Variants in BCLAF3 observed in about 807,000 individuals in gnomAD.
BCLAF3 encodes the protein transient octamer binding factor 1.
A neutral mutation model predicts 51.2 loss-of-function variants in BCLAF3; 24 were observed. The observed-to-expected ratio is 0.47, with a 90% CI of 0.34 to 0.66. The LOEUF is 0.66. Ranked by LOEUF, BCLAF3 falls within the 30% of genes least tolerant of loss-of-function variation. The probability of loss-of-function intolerance (pLI) is 0.01; values close to 1 mark genes in which losing one functional copy is unlikely to be tolerated. For synonymous variants in BCLAF3, 152 were observed against 176.6 expected (o/e 0.86, Z 1.10); for missense variants, 465 against 525.1 (o/e 0.89, Z 1.12).
chrX:19,986,751 T>TA (rs907221940), intron 1 of BCLAF3, among the ~76,000 whole-genome samples: 3 of 108,762 alleles, frequency 2.8e-5, no homozygotes, highest in African/African-American at 1.0e-4. Flanking sequence ...GCAGGGTGAT[T>TA]AGAGGTCTAG....
intron 4 of BCLAF3, among the ~76,000 whole-genome samples, chrX:19,957,143 G>A (rs1428255706): frequency 8.9e-6 from 1 of 111,906 alleles, no homozygotes; most frequent in Non-Finnish European, 1.9e-5. Flanking sequence ...ACACAGAAAA[G>A]TAATCATGCA....
intron 3 of BCLAF3, 142 bp from the exon 4 acceptor site, chrX:19,965,848 C>T (rs2072033305): frequency 1.5e-6 from 1 of 663,885 alleles, no homozygotes; most frequent in South Asian, 3.6e-5. Context: ...ATTCTATAGG[C>T]ACAAGGCAGT....
intron 2 of BCLAF3, 46 bp from the exon 3 acceptor site, chrX:19,966,695 G>T: frequency 9.1e-7 from 1 of 1,097,738 alleles, no homozygotes; most frequent in Non-Finnish European, 1.2e-6. Context: ...AATCAACTAA[G>T]CGTGTCTCAA....
At chrX:19,976,554 C>T (rs1354142648) in intron 1 of BCLAF3, among the ~76,000 whole-genome samples, 2 of 111,219 alleles carry the variant, frequency 1.8e-5, no homozygotes, top group African/African-American at 6.5e-5. Context: ...CCACTCCTGG[C>T]TAATTTTTGT....
rs748679368 is a variant in BCLAF3 at position 19,990,922 on chromosome X, C to CCCGCCGCCGCCG, written c.-61_-50dup. Among the ~76,000 whole-genome samples, 222 of 84,581 alleles carry CCCGCCGCCGCCG rather than the reference C, an allele frequency of 2.6e-3. 3 individuals carry two copies. Among genetic ancestry groups the CCCGCCGCCGCCG allele is most frequent in the African/African-American group, 7.5e-3 (166 of 22,232 alleles). 73.4% of individuals were successfully genotyped at this position (84,581 alleles called of 115,157 possible). A position where few individuals can be genotyped will look rare whatever the true frequency, so the allele number is the denominator to read the frequency against. On this transcript the variant is annotated 5_prime_UTR_variant, in exon 1 of 12. Transcript: ENST00000379682. ...GAGCCGCTCACCCGGCCGGGAAGCC[C>CCCGCCGCCGCCG]CCGCCGCCGCCGCCGCCGCCGCCGC...
At chrX:19,968,280 C>T (rs747853615) in intron 2 of BCLAF3, among the ~76,000 whole-genome samples, 32 of 112,672 alleles carry the variant, frequency 2.8e-4, no homozygotes, top group Middle Eastern at 4.2e-3. Context: ...GAGTTCTGCA[C>T]GCCTTGCGAG....
At chrX:19,920,433 T>A (rs189361034) in intron 11 of BCLAF3, among the ~76,000 whole-genome samples, 4 of 111,122 alleles carry the variant, frequency 3.6e-5, no homozygotes, top group African/African-American at 1.3e-4. Flanking sequence ...AGCATATGGA[T>A]GGATGTGTGT....
At chrX:19,952,883 C>T in intron 7 of BCLAF3, 105 bp downstream of exon 7, 1 of 569,949 alleles carries the variant, frequency 1.8e-6, no homozygotes, top group Admixed American at 3.8e-5. Flanking sequence ...TTCAATCCTC[C>T]TTCTTCATGT....
intron 1 of BCLAF3, among the ~76,000 whole-genome samples, chrX:19,988,875 G>C (rs756001807): frequency 8.9e-6 from 1 of 111,747 alleles, no homozygotes; most frequent in African/African-American, 3.3e-5. Flanking sequence ...GCCTCACCTA[G>C]ATAAGCTTTC....
Position 19,990,909 on chromosome X carries a change from C to T in BCLAF3, c.-36G>A, listed in dbSNP as rs1481870399. On this transcript the variant is annotated splice_region_variant and 5_prime_UTR_variant, in exon 1 of 12. Coordinates refer to ENST00000379682, the MANE Select transcript of BCLAF3 (RefSeq NM_001367774.2). ...CCCGCCTCCCCCCGAGCCGCTCACCCGGCCGGGAAGCCCCCGCCGCCGCCG... is the reference window on the plus strand; with the variant it reads ...CCCGCCTCCCCCCGAGCCGCTCACCTGGCCGGGAAGCCCCCGCCGCCGCCG... Among the ~76,000 whole-genome samples the T allele has an allele frequency of 5.0e-5, 5 of 99,806 alleles. No homozygotes were observed. The highest frequency in any genetic ancestry group is 1.0e-4 in the Non-Finnish European group (5 of 48,777). The allele number at this position is 99,806 out of a possible 115,157, so 86.7% of individuals were successfully genotyped here.
At chrX:19,959,779 G>C (rs1214365288) in intron 4 of BCLAF3, among the ~76,000 whole-genome samples, 1 of 109,705 alleles carries the variant, frequency 9.1e-6, no homozygotes, top group African/African-American at 3.3e-5. Flanking sequence ...TCTGCCGAGA[G>C]AGAGAAAAGA....
chrX:19,979,157 G>A (rs2072530212), intron 1 of BCLAF3, among the ~76,000 whole-genome samples: 1 of 110,561 alleles, frequency 9.0e-6, no homozygotes, highest in Non-Finnish European at 1.9e-5. Context: ...CTACTTGGAA[G>A]GCTGAGGCAG....
At position 19,970,981 on chromosome X, in the gene BCLAF3, A is replaced by C. The variant is rs2072237759; in HGVS notation, c.-34-683T>G. On this transcript the variant is annotated intron_variant, in intron 1 of 11. Coordinates refer to ENST00000379682, the MANE Select transcript of BCLAF3 (RefSeq NM_001367774.2). ...AAGCACTACTACTTTCCTGTCTTTC[A>C]CCATGTACAGAAACACTTCATATAA... Among the ~76,000 whole-genome samples the C allele has an allele frequency of 2.7e-5, 3 of 112,602 alleles. No individual in the cohort carries two copies. The South Asian group carries it at 1.1e-3, about 41-fold the overall frequency.
intron 11 of BCLAF3, among the ~76,000 whole-genome samples, chrX:19,925,159 C>A (rs1343473405): frequency 9.0e-6 from 1 of 111,409 alleles, no homozygotes; most frequent in African/African-American, 3.3e-5. Flanking sequence ...AAGCCACTAT[C>A]ATTCTGGTAA....
At chrX:19,929,202 C>T (rs2070459853) in intron 11 of BCLAF3, 1 of 111,291 alleles carries the variant, frequency 9.0e-6, no homozygotes, top group Non-Finnish European at 1.9e-5. Context: ...TTTTACTTGT[C>T]AATTAAAAAC....
At chrX:19,977,439 G>A (rs1044986878) in intron 1 of BCLAF3, among the ~76,000 whole-genome samples, 4 of 111,957 alleles carry the variant, frequency 3.6e-5, no homozygotes, top group African/African-American at 1.3e-4. Context: ...AAGTTTGAGT[G>A]GTCCGGATAG....
At chrX:19,978,266 T>G (rs2072493766) in intron 1 of BCLAF3, among the ~76,000 whole-genome samples, 2 of 112,155 alleles carry the variant, frequency 1.8e-5, no homozygotes, top group South Asian at 3.7e-4. Flanking sequence ...GAAAGTCAAT[T>G]GAAAACCTTC....
chrX:19,953,902 G>A lies in BCLAF3; in HGVS notation c.1451-10C>T, dbSNP rs750161853. The A allele has an allele frequency of 2.7e-5, 32 of 1,200,278 alleles. No individual in the cohort carries two copies. Among genetic ancestry groups the A allele is most frequent in the Non-Finnish European group, 3.3e-5 (29 of 888,862 alleles). ...GATGGAAAATAATTTGCTGAAAAAG[G>A]AAATGAAGAGTTTTATCTCAATGTT... is the stretch of plus-strand genomic sequence containing the variant. On this transcript the variant is annotated splice_polypyrimidine_tract_variant and intron_variant, in intron 5 of 11. Coordinates refer to ENST00000379682, the MANE Select transcript of BCLAF3 (RefSeq NM_001367774.2).
At chrX:19,925,917 C>T (rs1359509349) in intron 11 of BCLAF3, among the ~76,000 whole-genome samples, 1 of 111,966 alleles carries the variant, frequency 8.9e-6, no homozygotes, top group Admixed American at 9.5e-5. Context: ...GCTTCAATGC[C>T]TCATTCCTTT....
Sources: allele counts gnomAD v4.1 joint callset (sites outside exome capture counted in the v4.1 genomes callset), GRCh38; gene constraint gnomAD v4.1.1; transcripts MANE v1.5; gene names NCBI Gene and HGNC (gene_info 2026-07-23, HGNC 2026-07-21).